TMEM176B: variants seen among roughly 807,000 people sequenced by gnomAD.
TMEM176B encodes LR8-like protein.
A neutral mutation model predicts 30.3 loss-of-function variants in TMEM176B; 28 were observed. The ratio of observed to expected loss-of-function variants is 0.92; its 90% CI spans 0.68 to 1.27. The LOEUF (loss-of-function observed/expected upper bound fraction) is 1.27. Ranked by LOEUF, TMEM176B falls within the 50% of genes most tolerant of loss-of-function variation. The pLI, the probability that TMEM176B is intolerant of heterozygous loss-of-function variation, is 0.00. For synonymous variants in TMEM176B, 123 were observed against 130.3 expected (o/e 0.94, Z 0.38); for missense variants, 349 against 327.4 (o/e 1.07, Z -0.51).
chr7:150,800,999 A>G (rs776915395), upstream of TMEM176B: 339 of 985,568 alleles, frequency 3.4e-4, 1 homozygote, highest in Middle Eastern at 5.2e-4. Flanking sequence ...CTACCTCCGC[A>G]CCGCAGCGCG....
At position 150,796,351 on chromosome 7, in the gene TMEM176B, C is replaced by T. The variant is rs1563036454; in HGVS notation, c.204+15G>A. ...CGTTAACGTGCCCCCCAACCCCGCA[C>T]CACCCCAGTCTTACCCCTAGAGCCA... is the stretch of plus-strand genomic sequence containing the variant. On this transcript the variant is annotated intron_variant, in intron 2 of 6. Coordinates refer to ENST00000326442, the MANE Select transcript of TMEM176B (RefSeq NM_001101312.2). 1 of 1,613,182 alleles carries T rather than the reference C, an allele frequency of 6.2e-7. No homozygotes were observed. Among genetic ancestry groups the T allele is most frequent in the Non-Finnish European group, 8.5e-7 (1 of 1,179,218 alleles).
At chr7:150,791,649 C>T (rs1798311850) in intron 6 of TMEM176B, 26 bp from the exon 7 acceptor site, 11 of 1,601,620 alleles carry the variant, frequency 6.9e-6, no homozygotes, top group Non-Finnish European at 9.4e-6. Context: ...AAAAGAAATC[C>T]TTAGGGGAAA....
In TMEM176B at chr7:150,791,539, C is replaced by T. The variant is rs766360474; in HGVS notation, c.805G>A (p.Val269Ile). 1.2e-6 allele frequency: 2 copies of T among 1,613,600 alleles called. No homozygotes were observed. The highest frequency in any genetic ancestry group is 2.2e-5 in the South Asian group (2 of 91,056). Residue 269 changes from valine (V) to isoleucine (I), a missense_variant, in exon 7 of 7, where the codon GTC (valine) becomes ATC (isoleucine). Transcript: ENST00000326442. ...GTGGGGTCTTTGGCAGCTCACAGGA[C>T]AATGGCAGTGGAGGTCTGCTCCCTA... ...PSREQTSTAI[V>I]L
chr7:150,796,444 A>G lies in TMEM176B; in HGVS notation c.126T>C (p.Ser42=). 1.9e-6 allele frequency: 3 copies of G among 1,614,230 alleles called. No homozygotes were observed. The highest frequency in any genetic ancestry group is 2.5e-6 in the Non-Finnish European group (3 of 1,180,048). Reference sequence around the variant, plus strand: ...CAGGGTGAAAAAGAAACTTCTTCAGAGAACCTCCAGCTTTCAGCAGTTGTG... The same window carrying G: ...CAGGGTGAAAAAGAAACTTCTTCAGGGAACCTCCAGCTTTCAGCAGTTGTG... ...ALTQLLKAGG[S]LKKFLFHPGD... Residue 42 remains serine (S), a synonymous_variant, in exon 2 of 7, where the codon TCT becomes TCC. Coordinates refer to ENST00000326442, the MANE Select transcript of TMEM176B (RefSeq NM_001101312.2).
chr7:150,800,984 T>C (rs929829436), upstream of TMEM176B: 2 of 985,492 alleles, frequency 2.0e-6, no homozygotes, highest in African/African-American at 3.5e-5. Context: ...GCCCCGGCTT[T>C]TGACCTACCT....
Position 150,796,464 on chromosome 7 carries a change from G to A in TMEM176B, c.106C>T (p.Leu36=), listed in dbSNP as rs759011940. The A allele has an allele frequency of 2.5e-6, 4 of 1,614,214 alleles. No individual in the cohort carries two copies. The highest frequency in any genetic ancestry group is 3.4e-6 in the Non-Finnish European group (4 of 1,180,034). Reference sequence around the variant, plus strand: ...TTCAGAGAACCTCCAGCTTTCAGCAGTTGTGTCAAAGCTGACTCCTGGTGG... The same window carrying A: ...TTCAGAGAACCTCCAGCTTTCAGCAATTGTGTCAAAGCTGACTCCTGGTGG... ...HIHQESALTQ[L]LKAGGSLKKF... Residue 36 remains leucine, a synonymous_variant, in exon 2 of 7, where the codon CTG becomes TTG. Transcript: ENST00000326442.
intron 1 of TMEM176B, among the ~76,000 whole-genome samples, chr7:150,798,567 G>A (rs554687077): frequency 1.3e-5 from 2 of 151,006 alleles, no homozygotes; most frequent in South Asian, 2.1e-4. Flanking sequence ...GAGCCACCGC[G>A]CCCGGCCAGT....
intron 2 of TMEM176B, among the ~76,000 whole-genome samples, chr7:150,794,469 C>A (rs1309959712): frequency 6.6e-6 from 1 of 151,936 alleles, no homozygotes; most frequent in Non-Finnish European, 1.5e-5. Flanking sequence ...GGCTCTGTGG[C>A]AGACACAAAG....
intron 4 of TMEM176B, 56 bp from the exon 5 acceptor site, chr7:150,793,371 AGGTCCCCG>A (rs890332652): frequency 7.7e-6 from 12 of 1,552,622 alleles, no homozygotes; most frequent in Middle Eastern, 1.7e-4. Flanking sequence ...AAGAGTCATG[AGGTCCCCG>A]CCTCAAATCC....
intron 5 of TMEM176B, 108 bp from the exon 6 acceptor site, chr7:150,792,283 T>A (rs1798346579): frequency 7.0e-7 from 1 of 1,437,846 alleles, no homozygotes; most frequent in African/African-American, 1.4e-5. Context: ...AGCTTGCTGC[T>A]CCCACCACAG....
At chr7:150,794,715 T>G (rs924157334) in intron 2 of TMEM176B, among the ~76,000 whole-genome samples, 6 of 152,110 alleles carry the variant, frequency 3.9e-5, no homozygotes, top group Non-Finnish European at 8.8e-5. Flanking sequence ...GAGTCTGCAT[T>G]GCAGCCTGAT....
chr7:150,795,637 T>G (rs572517258), intron 2 of TMEM176B, among the ~76,000 whole-genome samples: 2 of 152,348 alleles, frequency 1.3e-5, no homozygotes, highest in African/African-American at 2.4e-5. Context: ...TCAGTCCATG[T>G]GGGGTCAATA....
At chr7:150,796,242 G>T in intron 2 of TMEM176B, 124 bp downstream of exon 2, 1 of 841,322 alleles carries the variant, frequency 1.2e-6, no homozygotes, top group South Asian at 1.7e-5. Flanking sequence ...CTGTGTGTAT[G>T]CCCCAAATTG....
intron 4 of TMEM176B, 40 bp downstream of exon 4, chr7:150,793,504 G>A (rs777206695): frequency 1.2e-5 from 19 of 1,607,378 alleles, no homozygotes; most frequent in Non-Finnish European, 1.5e-5. Flanking sequence ...TTCAGGAGGG[G>A]GTCAGTGAAC....
intron 1 of TMEM176B, among the ~76,000 whole-genome samples, chr7:150,797,686 C>T (rs1223457981): frequency 1.3e-5 from 2 of 152,100 alleles, no homozygotes; most frequent in Non-Finnish European, 2.9e-5. Flanking sequence ...AGAACCCTGC[C>T]TTGTGGGCCT....
rs1227065646 is a variant in TMEM176B, at chr7:150,793,133, G to T, written c.555C>A (p.Asn185Lys). ...CTCTACACTCCTCCTTCTGCCATTG[G>T]TTCTCTTGACTTCGCCGCATCCATC... Reference protein sequence around the residue: ...GYRWMRRSQENQWQKEECRAY... With the variant: ...GYRWMRRSQEKQWQKEECRAY... The change falls in exon 5 of 7, where the codon AAC (asparagine) becomes AAA (lysine). Residue 185 changes from asparagine to lysine, a missense_variant. Coordinates refer to ENST00000326442, the MANE Select transcript of TMEM176B (RefSeq NM_001101312.2). 1 of 1,614,062 alleles carries T rather than the reference G, an allele frequency of 6.2e-7. No homozygotes were observed. Among genetic ancestry groups the T allele is most frequent in the East Asian group, 2.2e-5 (1 of 44,890 alleles).
chr7:150,793,214 T>G lies in TMEM176B; in HGVS notation c.474A>C (p.Leu158Phe). 6.2e-7 allele frequency: 1 copy of G among 1,614,138 alleles called. No individual in the cohort carries two copies. Among genetic ancestry groups the G allele is most frequent in the Non-Finnish European group, 8.5e-7 (1 of 1,180,034 alleles). Residue 158 changes from leucine (L) to phenylalanine (F), a missense_variant, in exon 5 of 7, where the codon TTA (leucine) becomes TTC (phenylalanine). Coordinates refer to ENST00000326442, the MANE Select transcript of TMEM176B (RefSeq NM_001101312.2). ...AGCGATCACACACAGTGTCGATGTA[T>G]AAAAAGGGTTCAGTTTGCCAGATGA... ...NSFIWQTEPF[L>F]YIDTVCDRSD...
chr7:150,796,702 T>C, intron 1 of TMEM176B, 128 bp from the exon 2 acceptor site: 1 of 914,700 alleles, frequency 1.1e-6, no homozygotes. Context: ...CTCACGCCTG[T>C]AATCCCAGTG....
intron 4 of TMEM176B, 23 bp downstream of exon 4, chr7:150,793,521 G>A (rs775882697): frequency 6.2e-7 from 1 of 1,611,986 alleles, no homozygotes; most frequent in African/African-American, 1.3e-5. Context: ...GAACAAGGTG[G>A]AGAGAGGGTG....
Sources: allele counts gnomAD v4.1 joint callset (sites outside exome capture counted in the v4.1 genomes callset), GRCh38; gene constraint gnomAD v4.1.1; transcripts MANE v1.5; gene names NCBI Gene and HGNC (gene_info 2026-07-23, HGNC 2026-07-21).